KDM4B: variants seen among roughly 807,000 people sequenced by gnomAD.
KDM4B encodes lysine demethylase 4B, also known as lysine-specific demethylase 4B.
KDM4B carries 32 observed loss-of-function variants against 125.2 expected under a neutral mutation model. The observed-to-expected ratio is 0.26, with a 90% confidence interval of 0.19 to 0.34. The LOEUF is 0.34. Ranked by LOEUF, KDM4B falls within the 10% of genes least tolerant of loss-of-function variation. The pLI, the probability that KDM4B is intolerant of heterozygous loss-of-function variation, is 1.00. For missense variants in KDM4B, 1,190 were observed against 1,577.7 expected (o/e 0.75, Z 4.16); for synonymous variants, 721 against 677.9 (o/e 1.06, Z -0.99).
In KDM4B at chr19:5,071,043, G is replaced by A. The variant is rs781423796; in HGVS notation, c.660G>A (p.Leu220=). Residue 220 remains leucine, a synonymous_variant, in exon 7 of 23, where the codon CTG becomes CTA. Coordinates refer to ENST00000159111, the MANE Select transcript of KDM4B (RefSeq NM_015015.3). ...TCCCACCAGAGCACGGCAAGCGCCT[G>A]GAGCGGCTGGCCATCGGTAGGTGCC... ...YAIPPEHGKR[L]ERLAIGFFPG... 3 of 1,613,340 alleles carry A rather than the reference G, an allele frequency of 1.9e-6. No individual in the cohort carries two copies. Among genetic ancestry groups the A allele is most frequent in the Non-Finnish European group, 2.5e-6 (3 of 1,179,948 alleles).
chr19:4,997,753 G>A lies in KDM4B; in HGVS notation c.-108-18504G>A, dbSNP rs1252328590. The stretch of plus-strand genomic sequence containing the variant: ...GCCTGCATGGGGGCTCCAGGACCTC[G>A]TCATCAGCCTCTTCATCCTTACTGT... On this transcript the variant is annotated intron_variant, in intron 1 of 22. Coordinates refer to ENST00000159111, the MANE Select transcript of KDM4B (RefSeq NM_015015.3). This position sits in a 1 kb window ranked among gnomAD's most constrained non-coding sequence, Gnocchi z 4.2. Among the ~76,000 whole-genome samples, 1 of 152,330 alleles carries A rather than the reference G, an allele frequency of 6.6e-6. No homozygotes were observed. The highest frequency in any genetic ancestry group is 1.5e-5 in the Non-Finnish European group (1 of 68,026).
At chr19:5,118,917 G>A (rs1349405572) in intron 10 of KDM4B, among the ~76,000 whole-genome samples, 1 of 152,094 alleles carries the variant, frequency 6.6e-6, no homozygotes, top group Non-Finnish European at 1.5e-5. Flanking sequence ...CCTGGGCTCA[G>A]GGCGCAGAGG....
intron 1 of KDM4B, among the ~76,000 whole-genome samples, chr19:5,002,453 CTCCTTTCCTTTCCTT>C (rs368377983): frequency 6.6e-6 from 1 of 150,776 alleles, no homozygotes; most frequent in Admixed American, 6.6e-5. Context: ...CCCTTTCTCT[CTCCTTTCCTTTCCTT>C]TCCTTTCCTT....
At position 4,981,993 on chromosome 19, in the gene KDM4B, A is replaced by G. The variant is rs145682626; in HGVS notation, c.-109+12763A>G. ...ATGAGAACATGTTACTAAAACGATT[A>G]CAAAACCTCTAGAAGAGCCAGGTGC... On this transcript the variant is annotated intron_variant, in intron 1 of 22. Coordinates refer to ENST00000159111, the MANE Select transcript of KDM4B (RefSeq NM_015015.3). 9.8e-5 allele frequency among the ~76,000 whole-genome samples: 15 copies of G among 152,338 alleles called. No homozygotes were observed. In the East Asian group the frequency reaches 2.7e-3, roughly 27 times the overall value.
intron 11 of KDM4B, among the ~76,000 whole-genome samples, chr19:5,122,674 C>T (rs1442844644): frequency 2.6e-5 from 4 of 152,232 alleles, no homozygotes; most frequent in Admixed American, 1.3e-4. Context: ...GGAAGACACT[C>T]GCCACCCGTC....
At chr19:5,008,694 G>A (rs1239020770) in intron 1 of KDM4B, among the ~76,000 whole-genome samples, 16 of 148,974 alleles carry the variant, frequency 1.1e-4, no homozygotes, top group African/African-American at 2.5e-4. Flanking sequence ...GGGTTCAAGC[G>A]ATTCTCCTGC....
At chr19:5,116,032 G>A (rs2613796) in intron 10 of KDM4B, among the ~76,000 whole-genome samples, 110 of 152,088 alleles carry the variant, frequency 7.2e-4, no homozygotes, top group African/African-American at 2.5e-3. Context: ...ACAATGCATC[G>A]CTGTGAAATT....
chr19:5,065,061 C>CT (rs2037725716), intron 6 of KDM4B, among the ~76,000 whole-genome samples: 1 of 152,214 alleles, frequency 6.6e-6, no homozygotes, highest in African/African-American at 2.4e-5. Context: ...GGCGGGGTCC[C>CT]TGGGGGTGCT....
At chr19:5,095,508 A>C (rs1599174756) in intron 9 of KDM4B, among the ~76,000 whole-genome samples, 1 of 152,246 alleles carries the variant, frequency 6.6e-6, no homozygotes, top group African/African-American at 2.4e-5. Flanking sequence ...GTGGTAGCCC[A>C]CTGTGTCTGC....
intron 1 of KDM4B, among the ~76,000 whole-genome samples, chr19:5,014,864 G>A (rs1016105694): frequency 3.9e-5 from 6 of 152,016 alleles, no homozygotes; most frequent in Middle Eastern, 3.4e-3. Flanking sequence ...GCATGGTGGC[G>A]GGCGCCTGTA....
intron 21 of KDM4B, among the ~76,000 whole-genome samples, chr19:5,146,939 CAAAAA>C (rs1182135277): frequency 3.3e-5 from 2 of 60,556 alleles, no homozygotes; most frequent in African/African-American, 1.4e-4. Context: ...ACCCTGTCTC[CAAAAA>C]AAAAAAAAAA....
intron 12 of KDM4B, 69 bp from the exon 13 acceptor site, chr19:5,131,818 G>A: frequency 6.2e-7 from 1 of 1,605,830 alleles, no homozygotes; most frequent in Non-Finnish European, 8.5e-7. Context: ...GAGCCCCTGT[G>A]TGGCTCCGAG....
chr19:5,064,546 G>T (rs2037708866), intron 6 of KDM4B, among the ~76,000 whole-genome samples: 1 of 152,196 alleles, frequency 6.6e-6, no homozygotes, highest in Non-Finnish European at 1.5e-5. Context: ...CTGTCAGGCT[G>T]GGCCGTGGGT....
chr19:5,066,434 CAT>C (rs939026821), intron 6 of KDM4B, among the ~76,000 whole-genome samples: 16 of 152,288 alleles, frequency 1.1e-4, no homozygotes, highest in Admixed American at 2.0e-4. Context: ...TGCTGCCTCA[CAT>C]GTGTCTCCCC....
chr19:5,145,783 C>T (rs939117292), intron 21 of KDM4B, among the ~76,000 whole-genome samples: 13 of 152,116 alleles, frequency 8.5e-5, no homozygotes, highest in Admixed American at 7.2e-4. Context: ...GGAGTGGAAA[C>T]GAAGCCTCAC....
chr19:5,106,762 G>T (rs560812241), intron 9 of KDM4B, among the ~76,000 whole-genome samples: 6 of 152,124 alleles, frequency 3.9e-5, no homozygotes, highest in Non-Finnish European at 5.9e-5. Context: ...GGCACCAAGA[G>T]GGGGGGCCTT....
In KDM4B at chr19:5,144,071, C is replaced by T. The variant is rs768208492; in HGVS notation, c.2655C>T (p.Ala885=). Residue 885 remains alanine (A), a synonymous_variant, in exon 19 of 23, where the codon GCC becomes GCT. Coordinates refer to ENST00000159111, the MANE Select transcript of KDM4B (RefSeq NM_015015.3). ...STSFHVTCAH[A]AGVLMEPDDW... ...CCTTCCACGTGACCTGCGCCCACGC[C>T]GCAGGCGTGCTCATGGAGCCGGACG... The T allele has an allele frequency of 1.7e-5, 28 of 1,606,376 alleles. No individual in the cohort carries two copies. Among genetic ancestry groups the T allele is most frequent in the East Asian group, 1.3e-4 (6 of 44,580 alleles).
chr19:5,086,078 T>G (rs1385374191), intron 9 of KDM4B, among the ~76,000 whole-genome samples: 2 of 152,128 alleles, frequency 1.3e-5, no homozygotes, highest in Admixed American at 1.3e-4. Flanking sequence ...GGCCACTTTG[T>G]TTTGAGCACA....
chr19:5,008,030 C>G (rs750891672), intron 1 of KDM4B, among the ~76,000 whole-genome samples: 3 of 152,142 alleles, frequency 2.0e-5, no homozygotes, highest in Non-Finnish European at 4.4e-5. Flanking sequence ...ATGCCCAATG[C>G]TTTGGAAGGG....
Sources: gnomAD v4.1 joint callset for allele counts (sites outside exome capture counted in the v4.1 genomes callset) on GRCh38, gnomAD v4.1.1 for gene constraint, Gnocchi (gnomAD v3.1) non-coding constraint, MANE v1.5 for transcripts, NCBI Gene and HGNC (gene_info 2026-07-23, HGNC 2026-07-21) for gene names.